B3GALT1: variants seen among roughly 807,000 people sequenced by gnomAD.
The protein encoded by B3GALT1 is UDP-Gal:betaGlcNAc beta 1,3-galactosyltransferase, polypeptide 1.
B3GALT1 carries 10 observed loss-of-function variants against 23.2 expected under a neutral mutation model. The observed-to-expected ratio is 0.43, with a 90% CI of 0.27 to 0.73. The LOEUF is 0.73. B3GALT1 is among the 30% of genes least tolerant of loss of function. The pLI, the probability that B3GALT1 is intolerant of heterozygous loss-of-function variation, is 0.21. For synonymous variants in B3GALT1, 156 were observed against 141.5 expected (o/e 1.10, Z -0.73); for missense variants, 299 against 405.4 (o/e 0.74, Z 2.25).
At chr2:167,411,378 CAAAAAAAA>C (rs60719828) in intron 1 of B3GALT1, among the ~76,000 whole-genome samples, 9 of 136,530 alleles carry the variant, frequency 6.6e-5, no homozygotes, top group Admixed American at 1.4e-4. Context: ...AACAAAAAAC[CAAAAAAAA>C]AAAAAAAAAA....
intron 4 of B3GALT1, among the ~76,000 whole-genome samples, chr2:167,854,826 G>A (rs1257663663): frequency 1.3e-5 from 2 of 152,160 alleles, no homozygotes; most frequent in Non-Finnish European, 2.9e-5. Flanking sequence ...ATTGACCATA[G>A]TCACATCGCT....
chr2:167,589,165 C>A (rs2105414094), intron 2 of B3GALT1, among the ~76,000 whole-genome samples: 1 of 152,216 alleles, frequency 6.6e-6, no homozygotes, highest in African/African-American at 2.4e-5. Flanking sequence ...AGGTTGGTCT[C>A]AAACTCCTGG....
At chr2:167,720,134 G>A (rs1032561278) in intron 3 of B3GALT1, among the ~76,000 whole-genome samples, 11 of 152,094 alleles carry the variant, frequency 7.2e-5, no homozygotes, top group Admixed American at 2.0e-4. Context: ...TCTCAGTAAT[G>A]CAACTCTAGA....
chr2:167,675,658 C>T (rs1021210951), intron 3 of B3GALT1, among the ~76,000 whole-genome samples: 3 of 152,260 alleles, frequency 2.0e-5, no homozygotes, highest in Middle Eastern at 3.4e-3. Context: ...CTAGCAAAAA[C>T]AAACCCCAAA....
chr2:167,376,530 G>T (rs568214007), intron 1 of B3GALT1, among the ~76,000 whole-genome samples: 1 of 152,056 alleles, frequency 6.6e-6, no homozygotes. Flanking sequence ...GTTGATATTG[G>T]CCTATTTAAT....
intron 1 of B3GALT1, among the ~76,000 whole-genome samples, chr2:167,400,734 G>A (rs1004878436): frequency 1.3e-5 from 2 of 152,092 alleles, no homozygotes; most frequent in South Asian, 2.1e-4. Flanking sequence ...GGGAAAACCT[G>A]TGTGACAATT....
At chr2:167,590,631 C>T (rs370213247) in intron 2 of B3GALT1, among the ~76,000 whole-genome samples, 1 of 152,142 alleles carries the variant, frequency 6.6e-6, no homozygotes, top group South Asian at 2.1e-4. Context: ...GAGCAACTGT[C>T]CTAGGCTATT....
At chr2:167,785,570 G>T (rs1014471160) in intron 3 of B3GALT1, among the ~76,000 whole-genome samples, 12 of 152,160 alleles carry the variant, frequency 7.9e-5, no homozygotes, top group Non-Finnish European at 1.6e-4. Context: ...ATAATTTTCA[G>T]TGATGGACAC....
intron 4 of B3GALT1, among the ~76,000 whole-genome samples, chr2:167,833,887 C>T (rs965035798): frequency 2.6e-5 from 4 of 152,062 alleles, no homozygotes; most frequent in Non-Finnish European, 4.4e-5. Context: ...ACTGTTTACA[C>T]CTAGAGTAGA....
At position 167,394,588 on chromosome 2, in the gene B3GALT1, T is replaced by G. The variant is rs180909464; in HGVS notation, c.-510-95589T>G. On this transcript the variant is annotated intron_variant, in intron 1 of 4. Coordinates refer to ENST00000392690, the MANE Select transcript of B3GALT1 (RefSeq NM_020981.4). ...AAGCCATCTTTTTACTAGGAGCAATTTGATGTGGGAGCATTTTAATACAAC... is the reference window on the plus strand; with the variant it reads ...AAGCCATCTTTTTACTAGGAGCAATGTGATGTGGGAGCATTTTAATACAAC... 3.5e-3 allele frequency among the ~76,000 whole-genome samples: 532 copies of G among 152,212 alleles called. 5 individuals carry two copies. The highest frequency in any genetic ancestry group is 7.1e-3 in the South Asian group (34 of 4,812).
chr2:167,525,961 G>A lies in B3GALT1; in HGVS notation c.-410+35684G>A, dbSNP rs150193357. ...TGTTGCCTATGTCCTTTTGATCACA[G>A]TCCCCAACATTTTGTTCCTTGAGCA... On this transcript the variant is annotated intron_variant, in intron 2 of 4. Coordinates refer to ENST00000392690, the MANE Select transcript of B3GALT1 (RefSeq NM_020981.4). Among the ~76,000 whole-genome samples the A allele has an allele frequency of 1.2e-4, 18 of 152,022 alleles. 1 individual carries two copies. The highest frequency in any genetic ancestry group is 3.6e-4 in the African/African-American group (15 of 41,480).
chr2:167,573,518 T>G (rs1684333457), intron 2 of B3GALT1, among the ~76,000 whole-genome samples: 1 of 151,674 alleles, frequency 6.6e-6, no homozygotes, highest in African/African-American at 2.4e-5. Context: ...GGAATTATGC[T>G]AAACTAGCAC....
At chr2:167,361,802 G>A (rs1697503790) in intron 1 of B3GALT1, among the ~76,000 whole-genome samples, 1 of 152,080 alleles carries the variant, frequency 6.6e-6, no homozygotes, top group African/African-American at 2.4e-5. Context: ...GGCTGGGCAC[G>A]GTGGCTCATG....
At chr2:167,549,496 G>A (rs1683707855) in intron 2 of B3GALT1, among the ~76,000 whole-genome samples, 1 of 152,150 alleles carries the variant, frequency 6.6e-6, no homozygotes, top group Non-Finnish European at 1.5e-5. Flanking sequence ...CATTAATACG[G>A]CATTTCCCTC....
chr2:167,628,695 C>G (rs1315656670), intron 2 of B3GALT1, among the ~76,000 whole-genome samples: 2 of 151,552 alleles, frequency 1.3e-5, no homozygotes, highest in Non-Finnish European at 3.0e-5. Context: ...GTAAAGATAA[C>G]AAAAAAGTGG....
chr2:167,617,643 T>C (rs755702412), intron 2 of B3GALT1, among the ~76,000 whole-genome samples: 1 of 152,112 alleles, frequency 6.6e-6, no homozygotes, highest in African/African-American at 2.4e-5. Context: ...ACATTTCTAG[T>C]TAACTACATT....
chr2:167,576,520 G>GTTTTTTTTTTTGT (rs1466321021), intron 2 of B3GALT1, among the ~76,000 whole-genome samples: 2 of 122,420 alleles, frequency 1.6e-5, no homozygotes, highest in Non-Finnish European at 3.5e-5. Context: ...TTGTTTTTCT[G>GTTTTTTTTTTTGT]TTTTTTTTTT....
chr2:167,709,483 T>C (rs1327076182), intron 3 of B3GALT1, among the ~76,000 whole-genome samples: 1 of 152,142 alleles, frequency 6.6e-6, no homozygotes, highest in African/African-American at 2.4e-5. Context: ...CAAGATGTCA[T>C]TGGGTTTTTG....
chr2:167,531,588 A>G (rs1218381544), intron 2 of B3GALT1, among the ~76,000 whole-genome samples: 1 of 152,258 alleles, frequency 6.6e-6, no homozygotes, highest in African/African-American at 2.4e-5. Context: ...AAAATAATAT[A>G]TATTGTTCTA....
Sources: gnomAD v4.1 joint callset for allele counts (sites outside exome capture counted in the v4.1 genomes callset) on GRCh38, gnomAD v4.1.1 for gene constraint, MANE v1.5 for transcripts, NCBI Gene and HGNC (gene_info 2026-07-23, HGNC 2026-07-21) for gene names.